The following DNAJC11 variants were observed in gnomAD, a reference collection of about 807,000 sequenced individuals.
The protein encoded by DNAJC11 is dnaJ homolog subfamily C member 11.
A neutral mutation model predicts 78.6 loss-of-function variants in DNAJC11; 15 were observed. The observed-to-expected ratio is 0.19, with a 90% CI of 0.13 to 0.29. DNAJC11 has a LOEUF of 0.29. DNAJC11 is among the 10% of genes least tolerant of loss of function. The pLI, the probability that DNAJC11 is intolerant of heterozygous loss-of-function variation, is 1.00. For missense variants in DNAJC11, 547 were observed against 709.6 expected, an observed-to-expected ratio of 0.77 and a Z score of 2.60; for synonymous variants, 292 against 272.1, an observed-to-expected ratio of 1.07 and a Z score of -0.72.
In DNAJC11 at chr1:6,636,248, T is replaced by C; in HGVS notation, c.1525-2A>G. The C allele has an allele frequency of 6.2e-7, 1 of 1,613,944 alleles. No homozygotes were observed. The highest frequency in any genetic ancestry group is 8.5e-7 in the Non-Finnish European group (1 of 1,179,948). ...GTCATAAAAGCCAGGCAGCCCAGCC[T>C]GTAACAAACAAATTGCTACTCTCAA... On this transcript the variant is annotated splice_acceptor_variant, in intron 14 of 15. Coordinates refer to ENST00000377577, the MANE Select transcript of DNAJC11 (RefSeq NM_018198.4). LOFTEE classifies it high-confidence loss of function.
chr1:6,693,054 C>G (rs76056507), intron 1 of DNAJC11, among the ~76,000 whole-genome samples: 7 of 151,732 alleles, frequency 4.6e-5, no homozygotes, highest in African/African-American at 7.3e-5. Context: ...TACAGGCGAG[C>G]ATCACCACAC....
rs1641709846 is a variant in DNAJC11, at chr1:6,634,292, T to G, written c.*1383A>C. The G allele has an allele frequency of 1.1e-6, 1 of 900,110 alleles. No homozygotes were observed. Among genetic ancestry groups the G allele is most frequent in the East Asian group, 2.7e-5 (1 of 37,000 alleles). The allele number at this position is 900,110 out of a possible 1,614,324, so 55.8% of individuals were successfully genotyped here. On this transcript the variant is annotated 3_prime_UTR_variant, in exon 16 of 16. Transcript: ENST00000377577. ...CGCACGGGAAGCCCGGGGCCCAGGC[T>G]CATGCAACACGACGCTCACCGCGGC...
intron 4 of DNAJC11, among the ~76,000 whole-genome samples, chr1:6,662,757 C>T (rs751367496): frequency 2.0e-5 from 3 of 152,020 alleles, no homozygotes; most frequent in East Asian, 1.9e-4. Context: ...ATGGACCAAC[C>T]GGCACTCTGT....
At chr1:6,650,897 T>A in intron 7 of DNAJC11, 2 of 322,954 alleles carry the variant, frequency 6.2e-6, no homozygotes, top group Non-Finnish European at 1.3e-5. Context: ...ATAAATAAAA[T>A]AAACTCCATG....
In DNAJC11 at chr1:6,680,240, T is replaced by C. The variant is rs917135827; in HGVS notation, c.202+668A>G. 1.3e-5 allele frequency among the ~76,000 whole-genome samples: 2 copies of C among 152,246 alleles called. No individual in the cohort carries two copies. The highest frequency in any genetic ancestry group is 2.9e-5 in the Non-Finnish European group (2 of 68,040). On this transcript the variant is annotated intron_variant, in intron 2 of 15. Coordinates refer to ENST00000377577, the MANE Select transcript of DNAJC11 (RefSeq NM_018198.4). The surrounding 1 kb of genome is among the most constrained non-coding windows in gnomAD (Gnocchi z 4.0). The stretch of plus-strand genomic sequence containing the variant: ...AAATATACATATAATATTTACCATT[T>C]TAACCATTTTAAAGTATACAATTCA...
Position 6,653,729 on chromosome 1 carries a change from G to A in DNAJC11, c.507+182C>T. 1.3e-6 allele frequency: 1 copy of A among 748,908 alleles called. No individual in the cohort carries two copies. Among genetic ancestry groups the A allele is most frequent in the Non-Finnish European group, 2.0e-6 (1 of 499,316 alleles). 46.4% of individuals were successfully genotyped at this position (748,908 alleles called of 1,614,324 possible). A position where few individuals can be genotyped will look rare whatever the true frequency, so the allele number is the denominator to read the frequency against. ...AGCCCACACTCCTGCTGGCTCACAT[G>A]CCAGCACAGCGGTAACACACGGCTG... is the stretch of plus-strand genomic sequence containing the variant. On this transcript the variant is annotated intron_variant, in intron 5 of 15. Transcript: ENST00000377577. The surrounding 1 kb of genome is among the most constrained non-coding windows in gnomAD (Gnocchi z 4.5).
At chr1:6,635,754 C>T in intron 15 of DNAJC11, 54 bp from the exon 16 acceptor site, 2 of 1,605,094 alleles carry the variant, frequency 1.2e-6, no homozygotes, top group Non-Finnish European at 1.7e-6. Flanking sequence ...TCCCATGCAC[C>T]TTTCTACTGA....
Position 6,640,062 on chromosome 1 carries a change from G to GAAA in DNAJC11, c.1098-6_1098-5insTTT. 1 of 1,366,694 alleles carries GAAA rather than the reference G, an allele frequency of 7.3e-7. No individual in the cohort carries two copies. The highest frequency in any genetic ancestry group is 2.9e-5 in the East Asian group (1 of 34,688). 84.7% of individuals were successfully genotyped at this position (1,366,694 alleles called of 1,614,324 possible). A position where few individuals can be genotyped will look rare whatever the true frequency, so the allele number is the denominator to read the frequency against. On this transcript the variant is annotated splice_polypyrimidine_tract_variant and splice_region_variant and intron_variant, in intron 10 of 15. Coordinates refer to ENST00000377577, the MANE Select transcript of DNAJC11 (RefSeq NM_018198.4). ...GTCTGACTGGCCCTGTTGAGCCTGG[G>GAAA]GAAAAATACAAAAAAAAAAAAAAAA...
At chr1:6,667,209 G>A (rs1199276408) in intron 4 of DNAJC11, among the ~76,000 whole-genome samples, 1 of 152,124 alleles carries the variant, frequency 6.6e-6, no homozygotes, top group African/African-American at 2.4e-5. Context: ...ATGTGAGCAG[G>A]GACTTCTGCT....
intron 6 of DNAJC11, 74 bp downstream of exon 6, chr1:6,652,755 G>A (rs1642074704): frequency 6.3e-6 from 10 of 1,591,624 alleles, no homozygotes; most frequent in African/African-American, 1.3e-5. Context: ...GTTTGAGGGT[G>A]AGCTTTGAGA....
intron 1 of DNAJC11, among the ~76,000 whole-genome samples, chr1:6,701,389 CGG>C (rs1256467770): frequency 6.6e-6 from 1 of 152,186 alleles, no homozygotes; most frequent in African/African-American, 2.4e-5. Context: ...GAGCGCGAGA[CGG>C]GGTCTCGGAG....
intron 4 of DNAJC11, among the ~76,000 whole-genome samples, chr1:6,657,934 C>T (rs1339690397): frequency 2.6e-5 from 4 of 151,544 alleles, no homozygotes; most frequent in African/African-American, 9.7e-5. Context: ...CGTGAGCCCC[C>T]ATGCCCAGCC....
rs541255929 is a variant in DNAJC11 at position 6,646,157 on chromosome 1, T to C, written c.705-179A>G. On this transcript the variant is annotated intron_variant, in intron 7 of 15. Coordinates refer to ENST00000377577, the MANE Select transcript of DNAJC11 (RefSeq NM_018198.4). ...CTATCCACACAGAGGGGGAGGGTCC[T>C]AGCCAGAATCTTCCTAGTAACCTCC... Among the ~76,000 whole-genome samples the C allele has an allele frequency of 2.2e-4, 33 of 151,828 alleles. 1 individual carries two copies. In the South Asian group the frequency reaches 4.0e-3, roughly 18 times the overall value.
At chr1:6,662,962 T>C (rs879354796) in intron 4 of DNAJC11, among the ~76,000 whole-genome samples, 70 of 152,286 alleles carry the variant, frequency 4.6e-4, no homozygotes, top group Non-Finnish European at 3.5e-4. Context: ...CGAAGGTCCA[T>C]GGCTTCATTG....
chr1:6,635,562 A>ATAAT lies in DNAJC11; in HGVS notation c.*109_*112dup, dbSNP rs1325885357. ...ATAATTGATAATGGTACCACCTTCT[A>ATAAT]TAATAATAATATAAAATAAAAACAT... is the stretch of plus-strand genomic sequence containing the variant. On this transcript the variant is annotated 3_prime_UTR_variant, in exon 16 of 16. Coordinates refer to ENST00000377577, the MANE Select transcript of DNAJC11 (RefSeq NM_018198.4). 3.5e-6 allele frequency: 4 copies of ATAAT among 1,142,088 alleles called. No individual in the cohort carries two copies. In the African/African-American group the frequency reaches 4.7e-5, roughly 13 times the overall value. 70.7% of individuals were successfully genotyped at this position (1,142,088 alleles called of 1,614,324 possible).
intron 1 of DNAJC11, among the ~76,000 whole-genome samples, chr1:6,693,085 G>A (rs12126855): frequency 0.04 from 6,007 of 148,488 alleles, 136 homozygotes; most frequent in South Asian, 0.096. Context: ...TTTTTTTTTC[G>A]TATTTTTAGT....
At chr1:6,660,721 T>C (rs1426977148) in intron 4 of DNAJC11, among the ~76,000 whole-genome samples, 1 of 152,226 alleles carries the variant, frequency 6.6e-6, no homozygotes, top group Non-Finnish European at 1.5e-5. Context: ...CTTTCGTAGC[T>C]AGCACATTTC....
chr1:6,697,233 G>C (rs1642851500), intron 1 of DNAJC11, among the ~76,000 whole-genome samples: 1 of 152,178 alleles, frequency 6.6e-6, no homozygotes, highest in African/African-American at 2.4e-5. Flanking sequence ...AATCTAGAAG[G>C]AGAATCATTA....
At chr1:6,647,834 A>T (rs1641989716) in intron 7 of DNAJC11, among the ~76,000 whole-genome samples, 1 of 151,908 alleles carries the variant, frequency 6.6e-6, no homozygotes, top group African/African-American at 2.4e-5. Context: ...CAAAACAAAC[A>T]AAAAAAAGAA....
Sources: gnomAD v4.1 joint callset for allele counts (sites outside exome capture counted in the v4.1 genomes callset) on GRCh38, gnomAD v4.1.1 for gene constraint, Gnocchi (gnomAD v3.1) non-coding constraint, MANE v1.5 for transcripts, NCBI Gene and HGNC (gene_info 2026-07-23, HGNC 2026-07-21) for gene names.